The following TMEM164 variants were observed in gnomAD, a reference collection of about 807,000 sequenced individuals.
TMEM164 encodes the protein RP13-360B22.2.
Under a neutral mutation model 18.8 loss-of-function variants are expected in TMEM164, and 4 were observed. The observed-to-expected ratio is 0.21, with a 90% CI of 0.10 to 0.49. The LOEUF is 0.49. TMEM164 is among the 20% of genes least tolerant of loss of function. TMEM164 has a pLI of 0.98. For synonymous variants in TMEM164, 86 were observed against 101.7 expected (o/e 0.85, Z 0.93); for missense variants, 108 against 239.9 (o/e 0.45, Z 3.63).
At chrX:110,051,065 G>C (rs1222628904) in intron 2 of TMEM164, among the ~76,000 whole-genome samples, 2 of 111,842 alleles carry the variant, frequency 1.8e-5, no homozygotes, top group Non-Finnish European at 1.9e-5. Flanking sequence ...CTATCTCTTT[G>C]TGCTCCCAGC....
chrX:110,058,589 C>T (rs1177683772), intron 2 of TMEM164, among the ~76,000 whole-genome samples: 12 of 99,664 alleles, frequency 1.2e-4, no homozygotes, highest in African/African-American at 4.3e-4. Flanking sequence ...GGGTCCCCTC[C>T]CCTCCCCTCC....
At chrX:110,047,968 G>A (rs1393470889) in intron 2 of TMEM164, among the ~76,000 whole-genome samples, 1 of 111,652 alleles carries the variant, frequency 9.0e-6, no homozygotes, top group Non-Finnish European at 1.9e-5. Context: ...TCTCTGAGCA[G>A]CATCATAGGG....
intron 5 of TMEM164, among the ~76,000 whole-genome samples, chrX:110,166,995 A>G (rs2148125058): frequency 8.9e-6 from 1 of 112,214 alleles, no homozygotes; most frequent in South Asian, 3.7e-4. Context: ...AAAATTGAAT[A>G]CTTGATCAAC....
At chrX:110,037,971 A>G (rs1275485393) in intron 2 of TMEM164, among the ~76,000 whole-genome samples, 2 of 107,251 alleles carry the variant, frequency 1.9e-5, no homozygotes, top group Non-Finnish European at 3.8e-5. Flanking sequence ...CCTAAAGAAC[A>G]GCCTTTGGAC....
intron 2 of TMEM164, among the ~76,000 whole-genome samples, chrX:110,048,860 C>G (rs969896607): frequency 1.8e-5 from 2 of 111,083 alleles, no homozygotes. Context: ...GTACAGCTTA[C>G]CCATGGCGCT....
chrX:110,151,157 A>G (rs1338213439), intron 5 of TMEM164, among the ~76,000 whole-genome samples: 2 of 112,232 alleles, frequency 1.8e-5, no homozygotes, highest in African/African-American at 3.2e-5. Flanking sequence ...AGGTTGTTTC[A>G]AATCTTTTGA....
downstream of TMEM164, among the ~76,000 whole-genome samples, chrX:110,181,462 C>T (rs1378898897): frequency 8.9e-6 from 1 of 112,224 alleles, no homozygotes; most frequent in Non-Finnish European, 1.9e-5. Flanking sequence ...TCCCTGGCTT[C>T]ACCCAGAACA....
intron 4 of TMEM164, among the ~76,000 whole-genome samples, chrX:110,115,865 G>C (rs756329997): frequency 6.2e-5 from 7 of 112,028 alleles, no homozygotes; most frequent in African/African-American, 2.3e-4. Flanking sequence ...CAAGGCAGGA[G>C]GATTGCTTGA....
intron 4 of TMEM164, among the ~76,000 whole-genome samples, chrX:110,122,735 A>T (rs1429634965): frequency 1.8e-5 from 2 of 111,482 alleles, no homozygotes; most frequent in African/African-American, 6.5e-5. Flanking sequence ...CTTTTTGGAG[A>T]AATATCTTTT....
chrX:110,026,098 C>A (rs777849158), intron 2 of TMEM164, among the ~76,000 whole-genome samples: 17 of 112,517 alleles, frequency 1.5e-4, no homozygotes, highest in Admixed American at 4.7e-4. Flanking sequence ...ATATTAGTTA[C>A]AGTCTTCCTC....
intron 4 of TMEM164, among the ~76,000 whole-genome samples, chrX:110,129,292 G>A (rs895367052): frequency 8.9e-6 from 1 of 112,751 alleles, no homozygotes; most frequent in Non-Finnish European, 1.9e-5. Context: ...GGAGTAATTT[G>A]TATTTCTAGT....
In TMEM164 at chrX:110,173,788, G is replaced by A. The variant is rs1427606026; in HGVS notation, c.*337G>A. The stretch of plus-strand genomic sequence containing the variant: ...AACAACAGCTGGTTGAGGAGAAAGG[G>A]AACAACAAGTAGTAGTTCTTTTGGC... On this transcript the variant is annotated 3_prime_UTR_variant, in exon 7 of 7. Transcript: ENST00000372068. 1.7e-5 allele frequency: 4 copies of A among 235,955 alleles called. No individual in the cohort carries two copies. Among genetic ancestry groups the A allele is most frequent in the Non-Finnish European group, 3.0e-5 (4 of 133,983 alleles). The allele number at this position is 235,955 out of a possible 1,213,427, so 19.4% of individuals were successfully genotyped here. A position where few individuals can be genotyped will look rare whatever the true frequency, so the allele number is the denominator to read the frequency against.
intron 5 of TMEM164, among the ~76,000 whole-genome samples, chrX:110,168,064 T>A (rs1169781526): frequency 1.8e-5 from 2 of 112,152 alleles, no homozygotes; most frequent in Non-Finnish European, 3.8e-5. Context: ...CTGCTGCCCA[T>A]CTGCCACTAG....
intron 5 of TMEM164, among the ~76,000 whole-genome samples, chrX:110,169,853 T>C (rs1008279233): frequency 2.2e-4 from 24 of 111,253 alleles, no homozygotes; most frequent in African/African-American, 7.2e-4. Context: ...AGAAGGGGTG[T>C]GGGCTTTTCA....
At chrX:110,081,736 G>A (rs921125307) in intron 3 of TMEM164, among the ~76,000 whole-genome samples, 1 of 112,517 alleles carries the variant, frequency 8.9e-6, no homozygotes, top group African/African-American at 3.2e-5. Context: ...TGTGTTCTTT[G>A]GGTTTGTTGA....
intron 2 of TMEM164, among the ~76,000 whole-genome samples, chrX:110,023,039 AGGT>A (rs1393437177): frequency 8.9e-6 from 1 of 112,219 alleles, no homozygotes; most frequent in East Asian, 2.8e-4. Context: ...CTTGAAGGAC[AGGT>A]GAACCTAATG....
chrX:110,120,363 T>C (rs777527741), intron 4 of TMEM164, among the ~76,000 whole-genome samples: 1 of 112,404 alleles, frequency 8.9e-6, no homozygotes, highest in African/African-American at 3.2e-5. Context: ...ATCTAGTGAG[T>C]GCTTCCACTC....
chrX:110,025,740 C>T (rs1434606047), intron 2 of TMEM164, among the ~76,000 whole-genome samples: 2 of 112,188 alleles, frequency 1.8e-5, no homozygotes, highest in East Asian at 5.6e-4. Context: ...TTTGCATTCC[C>T]ATTCTAATTT....
rs778799295 is a variant in TMEM164, at chrX:110,147,834, G to A, written c.586+2958G>A. On this transcript the variant is annotated intron_variant, in intron 5 of 6. Transcript: ENST00000372068. The stretch of plus-strand genomic sequence containing the variant: ...TCAGCCACCAGGACCTTGTTTTCCC[G>A]TAAAGCTCCTCTATGTGAGAACGTA... Among the ~76,000 whole-genome samples the A allele has an allele frequency of 1.7e-4, 19 of 110,517 alleles. No homozygotes were observed. In the South Asian group the frequency reaches 5.0e-3, roughly 29 times the overall value.
Sources: gnomAD v4.1 joint callset for allele counts (sites outside exome capture counted in the v4.1 genomes callset) on GRCh38, gnomAD v4.1.1 for gene constraint, MANE v1.5 for transcripts, NCBI Gene and HGNC (gene_info 2026-07-23, HGNC 2026-07-21) for gene names.